NLGN4X: variants seen among roughly 807,000 people sequenced by gnomAD.
NLGN4X encodes neuroligin-4, X-linked.
Under a neutral mutation model 40.3 loss-of-function variants are expected in NLGN4X, and 3 were observed. That is an observed-to-expected ratio of 0.07 (90% CI 0.03 to 0.19). The LOEUF (loss-of-function observed/expected upper bound fraction) is 0.19, where lower values mean the gene tolerates loss of function less well. NLGN4X is among the 10% of genes least tolerant of loss of function. The pLI, the probability that NLGN4X is intolerant of heterozygous loss-of-function variation, is 1.00. For missense variants in NLGN4X, 382 were observed against 708.3 expected, an observed-to-expected ratio of 0.54 and a Z score of 5.23; for synonymous variants, 270 against 306.8, an observed-to-expected ratio of 0.88 and a Z score of 1.25.
At chrX:6,182,682 A>G (rs1921586521) in intron 1 of NLGN4X, among the ~76,000 whole-genome samples, 1 of 111,627 alleles carries the variant, frequency 9.0e-6, no homozygotes, top group African/African-American at 3.3e-5. Context: ...GGCCCTTACA[A>G]GAGGGAGGCA....
chrX:6,082,304 C>T (rs5916292), intron 2 of NLGN4X, among the ~76,000 whole-genome samples: 51,303 of 108,847 alleles, frequency 0.47, 9,019 homozygotes, highest in Admixed American at 0.51. Context: ...AGAAGGCTGA[C>T]GCAGGTGGAT....
rs868109800 is a variant in NLGN4X at position 5,892,527 on chromosome X, A to G, written c.*290T>C. ...TGAAATGGTGATGTCCTATCACACT[A>G]AACATCGATTGGAGTGGTAGAGATC... On this transcript the variant is annotated 3_prime_UTR_variant, in exon 6 of 6. Transcript: ENST00000381095. 1.2e-5 allele frequency: 4 copies of G among 326,064 alleles called. No homozygotes were observed. Among genetic ancestry groups the G allele is most frequent in the South Asian group, 4.0e-5 (1 of 24,973 alleles). 26.9% of individuals were successfully genotyped at this position (326,064 alleles called of 1,213,427 possible).
chrX:6,187,995 G>T (rs1922223746), intron 1 of NLGN4X, among the ~76,000 whole-genome samples: 1 of 111,756 alleles, frequency 8.9e-6, no homozygotes, highest in African/African-American at 3.3e-5. Flanking sequence ...ATTTATTTTC[G>T]TTTGATCAAT....
At chrX:6,036,565 A>G (rs1256107940) in intron 2 of NLGN4X, among the ~76,000 whole-genome samples, 6 of 108,538 alleles carry the variant, frequency 5.5e-5, no homozygotes, top group Admixed American at 5.0e-4. Flanking sequence ...AGGAAAAACA[A>G]TTTGTCTACA....
At chrX:6,057,983 C>T (rs183947182) in intron 2 of NLGN4X, among the ~76,000 whole-genome samples, 4 of 111,555 alleles carry the variant, frequency 3.6e-5, no homozygotes, top group South Asian at 3.7e-4. Context: ...AGACTTCATA[C>T]ATGGGGTAAT....
At chrX:6,215,234 C>G (rs1202563798) in intron 1 of NLGN4X, among the ~76,000 whole-genome samples, 1 of 111,708 alleles carries the variant, frequency 9.0e-6, no homozygotes, top group Non-Finnish European at 1.9e-5. Flanking sequence ...TTTTTCATTG[C>G]AGGGATAGTG....
intron 1 of NLGN4X, among the ~76,000 whole-genome samples, chrX:6,228,098 T>TA (rs1188628230): frequency 2.3e-4 from 26 of 111,005 alleles, no homozygotes; most frequent in African/African-American, 8.2e-4. Context: ...TACATATATA[T>TA]TTTTTTCCTC....
chrX:6,004,879 T>G lies in NLGN4X; in HGVS notation c.625+24401A>C, dbSNP rs146102757. Among the ~76,000 whole-genome samples, 5 of 111,897 alleles carry G rather than the reference T, an allele frequency of 4.5e-5. No homozygotes were observed. In the Admixed American group the frequency reaches 4.8e-4, roughly 11 times the overall value. On this transcript the variant is annotated intron_variant, in intron 3 of 5. Coordinates refer to ENST00000381095, the MANE Select transcript of NLGN4X (RefSeq NM_181332.3). ...TGTAACGTTTCACGTTCCTAAGAAT[T>G]GACAGAATGTTGCTGTTTAGGGATA...
intron 3 of NLGN4X, among the ~76,000 whole-genome samples, chrX:5,912,873 G>GA (rs2032547029): frequency 1.4e-5 from 1 of 73,691 alleles, no homozygotes; most frequent in Non-Finnish European, 2.6e-5. Context: ...GAGCAGGAGG[G>GA]AGGAAGGAAG....
At chrX:6,077,312 T>TGTGTGTGTGTG (rs1569224271) in intron 2 of NLGN4X, among the ~76,000 whole-genome samples, 31 of 105,815 alleles carry the variant, frequency 2.9e-4, no homozygotes, top group Middle Eastern at 4.9e-3. Context: ...GTGTGTGTGG[T>TGTGTGTGTGTG]GTGTGTGTGT....
chrX:6,056,583 G>A (rs1214298809), intron 2 of NLGN4X, among the ~76,000 whole-genome samples: 1 of 112,127 alleles, frequency 8.9e-6, no homozygotes, highest in African/African-American at 3.2e-5. Context: ...TATCAGAATT[G>A]TCTAGAAACA....
Position 5,890,289 on chromosome X carries a change from G to T in NLGN4X, c.*2528C>A. On this transcript the variant is annotated 3_prime_UTR_variant, in exon 6 of 6. Coordinates refer to ENST00000381095, the MANE Select transcript of NLGN4X (RefSeq NM_181332.3). ...TTTTTCTCTTTTTTATAGATAGCAA[G>T]TATATTTTTTCTCATAGAACTCTAT... 6.2e-6 allele frequency: 1 copy of T among 161,214 alleles called. No homozygotes were observed. The highest frequency in any genetic ancestry group is 1.2e-5 in the Non-Finnish European group (1 of 86,684). 13.3% of individuals were successfully genotyped at this position (161,214 alleles called of 1,213,427 possible).
chrX:6,092,402 G>C (rs974989768), intron 2 of NLGN4X, among the ~76,000 whole-genome samples: 1 of 112,157 alleles, frequency 8.9e-6, no homozygotes, highest in African/African-American at 3.2e-5. Context: ...AGAAACCCAA[G>C]CTTGGCTTCC....
chrX:5,991,412 C>T (rs1447396486), intron 3 of NLGN4X: 1 of 515,512 alleles, frequency 1.9e-6, no homozygotes, highest in Admixed American at 2.7e-5. Context: ...TTCTTTCCAC[C>T]TCTAATTCCA....
intron 3 of NLGN4X, among the ~76,000 whole-genome samples, chrX:5,934,419 T>C (rs2033665909): frequency 8.9e-6 from 1 of 111,992 alleles, no homozygotes; most frequent in African/African-American, 3.2e-5. Flanking sequence ...TCTGACGATG[T>C]TGTAAGATAG....
chrX:5,899,795 AT>A (rs1310244854), intron 5 of NLGN4X, among the ~76,000 whole-genome samples: 3 of 109,399 alleles, frequency 2.7e-5, no homozygotes, highest in Non-Finnish European at 5.7e-5. Flanking sequence ...CATTATTTAG[AT>A]TTCACTATTG....
intron 2 of NLGN4X, among the ~76,000 whole-genome samples, chrX:6,037,680 GT>G (rs2037051741): frequency 1.0e-5 from 1 of 98,612 alleles, no homozygotes; most frequent in Non-Finnish European, 2.0e-5. Flanking sequence ...TTTCAACTTA[GT>G]CTTGTTAAGT....
At chrX:5,957,569 C>A (rs931923697) in intron 3 of NLGN4X, among the ~76,000 whole-genome samples, 1 of 112,192 alleles carries the variant, frequency 8.9e-6, no homozygotes, top group Admixed American at 9.5e-5. Flanking sequence ...CCATTGGTCA[C>A]CCTCTGCCTG....
chrX:5,900,009 T>C (rs1204066938), intron 5 of NLGN4X, among the ~76,000 whole-genome samples: 1 of 112,288 alleles, frequency 8.9e-6, no homozygotes, highest in African/African-American at 3.2e-5. Context: ...TATAGCCATG[T>C]TGGGAAACTC....
Sources: allele counts gnomAD v4.1 joint callset (sites outside exome capture counted in the v4.1 genomes callset), GRCh38; gene constraint gnomAD v4.1.1; transcripts MANE v1.5; gene names NCBI Gene and HGNC (gene_info 2026-07-23, HGNC 2026-07-21).